Variants in RIT2 observed in about 807,000 individuals in gnomAD.
The protein encoded by RIT2 is GTP-binding protein Rit2.
RIT2 carries 24 observed loss-of-function variants against 23.7 expected under a neutral mutation model. The observed-to-expected ratio is 1.01, with a 90% confidence interval of 0.73 to 1.43. RIT2 has a LOEUF of 1.43. Among genes scored for constraint, RIT2 ranks in the 40% most tolerant of loss-of-function variants. RIT2 has a pLI of 0.00. For synonymous variants in RIT2, 107 were observed against 91.1 expected (o/e 1.17, Z -0.99); for missense variants, 236 against 266.9 (o/e 0.88, Z 0.81).
At chr18:42,935,340 T>G (rs573951681) in intron 3 of RIT2, among the ~76,000 whole-genome samples, 11 of 152,202 alleles carry the variant, frequency 7.2e-5, no homozygotes, top group African/African-American at 2.6e-4. Context: ...CACTGCTCAG[T>G]TAGGAAATGT....
chr18:42,894,052 T>G (rs1012328563), intron 4 of RIT2, among the ~76,000 whole-genome samples: 1 of 152,238 alleles, frequency 6.6e-6, no homozygotes, highest in Non-Finnish European at 1.5e-5. Context: ...GAGCTCTTTG[T>G]CTATGTCAGA....
chr18:42,846,629 T>G (rs1354473722), intron 4 of RIT2, among the ~76,000 whole-genome samples: 2 of 152,036 alleles, frequency 1.3e-5, no homozygotes, highest in African/African-American at 2.4e-5. Context: ...AAATTTGGTT[T>G]AATATTCAAC....
intron 3 of RIT2, among the ~76,000 whole-genome samples, chr18:42,932,658 A>G (rs2144146685): frequency 6.6e-6 from 1 of 152,282 alleles, no homozygotes; most frequent in Admixed American, 6.5e-5. Flanking sequence ...AGTGATTATC[A>G]AATTTTTTTT....
At position 42,743,603 on chromosome 18, in the gene RIT2, G is replaced by A. The variant is rs757214621; in HGVS notation, c.544C>T (p.Arg182Cys). The A allele has an allele frequency of 8.1e-6, 13 of 1,613,736 alleles. No individual in the cohort carries two copies. Among genetic ancestry groups the A allele is most frequent in the East Asian group, 2.2e-5 (1 of 44,854 alleles). ...DAFHGLVREI[R>C]KKESMPSLME... ...AAGGATGGCATGGACTCCTTCTTGCGAATTTCCCTCACTAAGCCATGAAAA... is the reference window on the plus strand; with the variant it reads ...AAGGATGGCATGGACTCCTTCTTGCAAATTTCCCTCACTAAGCCATGAAAA... The change falls in exon 5 of 5, where the codon CGC becomes TGC. Residue 182 changes from arginine (R) to cysteine (C), a missense_variant. Physicochemically the swap from Arg to Cys is radical, Grantham distance 180. Coordinates refer to ENST00000326695, the MANE Select transcript of RIT2 (RefSeq NM_002930.4).
chr18:43,026,626 A>G (rs376792589), intron 2 of RIT2, among the ~76,000 whole-genome samples: 209 of 127,008 alleles, frequency 1.6e-3, no homozygotes, highest in African/African-American at 5.1e-3. Context: ...GAAAGAAAGA[A>G]AGAAAGAAAG....
chr18:43,092,327 T>C (rs957655459), intron 1 of RIT2, among the ~76,000 whole-genome samples: 3 of 151,748 alleles, frequency 2.0e-5, no homozygotes, highest in Non-Finnish European at 4.4e-5. Context: ...CAAAGATTTG[T>C]TTTTTCCTTT....
chr18:43,102,359 T>G (rs1018615124), intron 1 of RIT2, among the ~76,000 whole-genome samples: 5 of 152,080 alleles, frequency 3.3e-5, no homozygotes, highest in African/African-American at 4.8e-5. Flanking sequence ...GTAAACAATG[T>G]TCTGAAGTCT....
chr18:42,758,242 AC>A (rs1288108299), intron 4 of RIT2, among the ~76,000 whole-genome samples: 1 of 152,160 alleles, frequency 6.6e-6, no homozygotes, highest in African/African-American at 2.4e-5. Flanking sequence ...AAAATAAAAT[AC>A]ATTATAGGTT....
intron 4 of RIT2, among the ~76,000 whole-genome samples, chr18:42,901,762 T>C (rs188187681): frequency 6.6e-6 from 1 of 152,138 alleles, no homozygotes; most frequent in African/African-American, 2.4e-5. Context: ...TAGGAGAATA[T>C]ACAAGTTTAT....
intron 2 of RIT2, among the ~76,000 whole-genome samples, chr18:43,032,423 C>A: frequency 6.6e-6 from 1 of 152,104 alleles, no homozygotes; most frequent in East Asian, 1.9e-4. Flanking sequence ...TTTCTGATAT[C>A]ATAAATTATA....
At chr18:42,765,102 G>A (rs1054403253) in intron 4 of RIT2, among the ~76,000 whole-genome samples, 2 of 152,192 alleles carry the variant, frequency 1.3e-5, no homozygotes, top group Non-Finnish European at 1.5e-5. Context: ...TGCTTGGAAT[G>A]CATAATAAAT....
intron 4 of RIT2, among the ~76,000 whole-genome samples, chr18:42,870,873 C>T (rs1907604649): frequency 6.6e-6 from 1 of 152,156 alleles, no homozygotes; most frequent in South Asian, 2.1e-4. Flanking sequence ...TTTCAATAGC[C>T]TTATAGTACA....
At chr18:42,786,762 G>A (rs1021684715) in intron 4 of RIT2, among the ~76,000 whole-genome samples, 6 of 151,912 alleles carry the variant, frequency 3.9e-5, no homozygotes, top group African/African-American at 1.2e-4. Context: ...CTATGACTTC[G>A]TGTCACATCA....
At chr18:43,069,462 CT>C (rs1029804178) in intron 1 of RIT2, among the ~76,000 whole-genome samples, 4 of 152,096 alleles carry the variant, frequency 2.6e-5, no homozygotes, top group African/African-American at 9.7e-5. Context: ...AATAAGTCTT[CT>C]TGTTATCTCT....
chr18:43,061,785 G>A (rs541892851), intron 1 of RIT2, among the ~76,000 whole-genome samples: 22 of 152,092 alleles, frequency 1.4e-4, no homozygotes, highest in African/African-American at 5.1e-4. Flanking sequence ...GCTAGCTTTC[G>A]GTTGCTCTAT....
At chr18:42,964,880 C>T (rs1484043128) in intron 3 of RIT2, among the ~76,000 whole-genome samples, 1 of 152,136 alleles carries the variant, frequency 6.6e-6, no homozygotes, top group African/African-American at 2.4e-5. Context: ...GGAGGTTGTG[C>T]GTATAAATAT....
intron 4 of RIT2, among the ~76,000 whole-genome samples, chr18:42,774,606 C>T (rs1354425068): frequency 6.8e-5 from 10 of 147,462 alleles, no homozygotes; most frequent in Admixed American, 6.3e-4. Flanking sequence ...CATTATCAAT[C>T]GTTCAAATTG....
At chr18:42,873,483 A>G (rs1907670495) in intron 4 of RIT2, among the ~76,000 whole-genome samples, 1 of 152,134 alleles carries the variant, frequency 6.6e-6, no homozygotes, top group South Asian at 2.1e-4. Flanking sequence ...AAAACACAGA[A>G]GACACATCTA....
intron 4 of RIT2, among the ~76,000 whole-genome samples, chr18:42,779,244 G>C (rs1460806293): frequency 6.6e-6 from 1 of 152,054 alleles, no homozygotes; most frequent in African/African-American, 2.4e-5. Context: ...CCTTTGAGAT[G>C]TAAATCTTCA....
Sources: allele counts gnomAD v4.1 joint callset (sites outside exome capture counted in the v4.1 genomes callset), GRCh38; gene constraint gnomAD v4.1.1; transcripts MANE v1.5; gene names NCBI Gene and HGNC (gene_info 2026-07-23, HGNC 2026-07-21).